Variants in SLF1 observed in about 807,000 individuals in gnomAD.
SLF1 encodes the protein SMC5-SMC6 complex localization factor protein 1.
Under a neutral mutation model 123.0 loss-of-function variants are expected in SLF1, and 105 were observed. The ratio of observed to expected loss-of-function variants is 0.85; its 90% CI spans 0.73 to 1.00. The LOEUF (loss-of-function observed/expected upper bound fraction) is 1.00, where lower values mean the gene tolerates loss of function less well. Among genes scored for constraint, SLF1 ranks in the 50% least tolerant of loss-of-function variants. The pLI is 0.00. For synonymous variants in SLF1, 434 were observed against 406.6 expected (o/e 1.07, Z -0.81); for missense variants, 1,239 against 1,223.0 (o/e 1.01, Z -0.20).
intron 5 of SLF1, among the ~76,000 whole-genome samples, chr5:94,646,440 C>T (rs538753166): frequency 6.6e-6 from 1 of 152,294 alleles, no homozygotes; most frequent in South Asian, 2.1e-4. Flanking sequence ...ATATATCACA[C>T]TTTGAGATGC....
Position 94,694,940 on chromosome 5 carries a change from A to G in SLF1, c.2805A>G (p.Thr935=), listed in dbSNP as rs373857102. 3.1e-6 allele frequency: 5 copies of G among 1,612,438 alleles called. No homozygotes were observed. The African/African-American group carries it at 6.7e-5, about 22-fold the overall frequency. The part of the protein sequence containing the change: ...ELFAITKIED[T]VENFHAQAEK... ...TTGCTATTACAAAAATAGAAGATAC[A>G]GTGGAGAACTTTCATGCACAAGCAG... Residue 935 remains threonine (T), a synonymous_variant, in exon 21 of 21, where the codon ACA becomes ACG. Coordinates refer to ENST00000265140, the MANE Select transcript of SLF1 (RefSeq NM_032290.4).
intron 16 of SLF1, among the ~76,000 whole-genome samples, chr5:94,687,306 C>T (rs1165837249): frequency 1.3e-5 from 2 of 152,100 alleles, no homozygotes; most frequent in Non-Finnish European, 2.9e-5. Flanking sequence ...AGCTGTAGTG[C>T]ATTATGGTTG....
chr5:94,622,464 C>T (rs1424755953), intron 1 of SLF1, among the ~76,000 whole-genome samples: 1 of 152,056 alleles, frequency 6.6e-6, no homozygotes, highest in African/African-American at 2.4e-5. Flanking sequence ...CACAATATAA[C>T]ATTACATAAA....
chr5:94,661,169 T>A (rs1749055679), intron 9 of SLF1, among the ~76,000 whole-genome samples: 1 of 152,108 alleles, frequency 6.6e-6, no homozygotes, highest in Non-Finnish European at 1.5e-5. Flanking sequence ...TGCCATTGAG[T>A]GGACTCCAGG....
At chr5:94,676,284 T>G (rs1751050148) in intron 14 of SLF1, among the ~76,000 whole-genome samples, 1 of 152,204 alleles carries the variant, frequency 6.6e-6, no homozygotes, top group African/African-American at 2.4e-5. Context: ...ACTAACTTGC[T>G]CAGAGTGATC....
In SLF1 at chr5:94,643,411, G is replaced by A; in HGVS notation, c.570G>A (p.Gln190=). The A allele has an allele frequency of 1.3e-6, 2 of 1,492,496 alleles. No homozygotes were observed. The highest frequency in any genetic ancestry group is 1.8e-6 in the Non-Finnish European group (2 of 1,118,620). The allele number at this position is 1,492,496 out of a possible 1,614,324, so 92.5% of individuals were successfully genotyped here. A position where few individuals can be genotyped will look rare whatever the true frequency, so the allele number is the denominator to read the frequency against. Residue 190 remains glutamine, a synonymous_variant, in exon 5 of 21, where the codon CAG becomes CAA. Coordinates refer to ENST00000265140, the MANE Select transcript of SLF1 (RefSeq NM_032290.4). ...TTAAGGCTCCATTTTATCCAATTCA[G>A]TATCTAGGGGATTTTCTTTTAGAGG... The part of the protein sequence containing the change: ...DNFKAPFYPI[Q]YLGDFLLEKE...
chr5:94,678,697 C>T (rs1215216068), intron 14 of SLF1, 111 bp from the exon 15 acceptor site: 15 of 910,132 alleles, frequency 1.6e-5, no homozygotes, highest in Non-Finnish European at 1.6e-6. Context: ...ATTACATACC[C>T]TGTATTTTTA....
intron 1 of SLF1, among the ~76,000 whole-genome samples, chr5:94,625,519 G>A (rs1325720737): frequency 6.6e-6 from 1 of 151,982 alleles, no homozygotes; most frequent in East Asian, 2.0e-4. Flanking sequence ...GAGTAGCTGA[G>A]ATTACAGGCA....
chr5:94,661,851 CTT>C (rs538872444), intron 9 of SLF1, among the ~76,000 whole-genome samples: 89 of 152,070 alleles, frequency 5.9e-4, no homozygotes, highest in Admixed American at 1.2e-3. Context: ...GGTATTATCT[CTT>C]TATTATATTT....
In SLF1 at chr5:94,679,017, T is replaced by C. The variant is rs924881888; in HGVS notation, c.1975+62T>C. On this transcript the variant is annotated intron_variant, in intron 15 of 20. Transcript: ENST00000265140. ...TCTGGAAATTAGTTTTGAATTTCTT[T>C]TAAGCAGTCTGTAAGCTTTAACATA... The C allele has an allele frequency of 1.7e-5, 27 of 1,574,060 alleles. No individual in the cohort carries two copies. The East Asian group carries it at 5.2e-4, about 30-fold the overall frequency.
At chr5:94,653,247 T>A in intron 7 of SLF1, 25 bp from the exon 8 acceptor site, 1 of 1,489,944 alleles carries the variant, frequency 6.7e-7, no homozygotes, top group Non-Finnish European at 9.0e-7. Context: ...ATGTTGAGAT[T>A]TAATTGTGGT....
At chr5:94,659,164 T>G (rs932162731) in intron 9 of SLF1, among the ~76,000 whole-genome samples, 32 of 152,072 alleles carry the variant, frequency 2.1e-4, no homozygotes, top group African/African-American at 7.2e-4. Flanking sequence ...ATTGAATTCT[T>G]AAGTTCCAGG....
At chr5:94,623,187 A>G (rs1294969262) in intron 1 of SLF1, among the ~76,000 whole-genome samples, 1 of 152,166 alleles carries the variant, frequency 6.6e-6, no homozygotes, top group East Asian at 1.9e-4. Context: ...ACTGGCACCA[A>G]CTACAAAGGA....
At chr5:94,645,243 T>C (rs1436477890) in intron 5 of SLF1, among the ~76,000 whole-genome samples, 1 of 152,166 alleles carries the variant, frequency 6.6e-6, no homozygotes, top group Non-Finnish European at 1.5e-5. Flanking sequence ...GAATGTAACC[T>C]GAAATACTAC....
chr5:94,660,511 C>T (rs1165074126), intron 9 of SLF1, among the ~76,000 whole-genome samples: 12 of 152,170 alleles, frequency 7.9e-5, no homozygotes, highest in Admixed American at 7.8e-4. Flanking sequence ...GGCCTTTCCT[C>T]AGGCCCCCCG....
At chr5:94,652,007 C>CT (rs1554065262) in intron 7 of SLF1, among the ~76,000 whole-genome samples, 162 bp downstream of exon 7, 1 of 121,388 alleles carries the variant, frequency 8.2e-6, no homozygotes, top group Non-Finnish European at 1.7e-5. Flanking sequence ...GTATTATTTT[C>CT]TTTTTTCTTT....
At chr5:94,691,450 C>T in intron 18 of SLF1, 114 bp from the exon 19 acceptor site, 3 of 523,766 alleles carry the variant, frequency 5.7e-6, no homozygotes, top group Non-Finnish European at 8.8e-6. Context: ...AAAAGAAGAA[C>T]TCAATAAATA....
chr5:94,684,994 C>T (rs1752251778), intron 15 of SLF1, among the ~76,000 whole-genome samples: 1 of 152,232 alleles, frequency 6.6e-6, no homozygotes, highest in South Asian at 2.1e-4. Context: ...CCTTTGCCCA[C>T]TAGATGCCAA....
intron 1 of SLF1, among the ~76,000 whole-genome samples, chr5:94,619,514 CTCGGGT>C (rs1383137260): frequency 2.6e-5 from 4 of 152,252 alleles, no homozygotes; most frequent in African/African-American, 9.6e-5. Context: ...ATTGGTCCGT[CTCGGGT>C]ACTTCATATC....
Sources: allele counts gnomAD v4.1 joint callset (sites outside exome capture counted in the v4.1 genomes callset), GRCh38; gene constraint gnomAD v4.1.1; transcripts MANE v1.5; gene names NCBI Gene and HGNC (gene_info 2026-07-23, HGNC 2026-07-21).